The following GPC5 variants were observed in gnomAD, a reference collection of about 807,000 sequenced individuals.
The protein encoded by GPC5 is glypican-5.
A neutral mutation model predicts 53.9 loss-of-function variants in GPC5; 47 were observed. The ratio of observed to expected loss-of-function variants is 0.87; its 90% confidence interval spans 0.69 to 1.11. GPC5 has a LOEUF of 1.11. Among genes scored for constraint, GPC5 ranks in the 50% most tolerant of loss-of-function variants. The pLI, the probability that GPC5 is intolerant of heterozygous loss-of-function variation, is 0.00. For synonymous variants in GPC5, 286 were observed against 263.3 expected (o/e 1.09, Z -0.84); for missense variants, 748 against 713.1 (o/e 1.05, Z -0.56).
intron 7 of GPC5, among the ~76,000 whole-genome samples, chr13:92,742,853 T>G (rs375794785): frequency 1.3e-4 from 20 of 152,094 alleles, no homozygotes; most frequent in South Asian, 6.2e-4. Flanking sequence ...TTTCCCCATT[T>G]CTTGTTTTTG....
At chr13:91,526,947 G>A (rs1886115774) in intron 2 of GPC5, among the ~76,000 whole-genome samples, 1 of 151,980 alleles carries the variant, frequency 6.6e-6, no homozygotes, top group Non-Finnish European at 1.5e-5. Flanking sequence ...AGCATGGGGG[G>A]AACTGCCACC....
At chr13:92,448,049 G>T (rs1019910121) in intron 7 of GPC5, 1 of 152,040 alleles carries the variant, frequency 6.6e-6, no homozygotes, top group South Asian at 2.1e-4. Context: ...ATTAAAAGGT[G>T]GTGATTGAAG....
intron 6 of GPC5, among the ~76,000 whole-genome samples, chr13:92,139,464 G>A (rs1430093656): frequency 3.3e-5 from 5 of 151,936 alleles, no homozygotes; most frequent in South Asian, 4.1e-4. Context: ...TCAGGAGATC[G>A]AGACCATCCT....
chr13:91,405,533 T>C (rs1440073112), intron 1 of GPC5, among the ~76,000 whole-genome samples: 1 of 152,202 alleles, frequency 6.6e-6, no homozygotes, highest in Non-Finnish European at 1.5e-5. Context: ...TTCACGAAAC[T>C]AGGTTACACC....
chr13:91,713,835 A>T (rs1424325799), intron 3 of GPC5, among the ~76,000 whole-genome samples: 3 of 152,140 alleles, frequency 2.0e-5, no homozygotes, highest in Non-Finnish European at 2.9e-5. Flanking sequence ...TTATAACCTA[A>T]ATATGTCTCA....
intron 5 of GPC5, among the ~76,000 whole-genome samples, chr13:91,892,716 T>C (rs1323968190): frequency 6.6e-6 from 1 of 151,978 alleles, no homozygotes; most frequent in Non-Finnish European, 1.5e-5. Flanking sequence ...CTATAAAATA[T>C]AGGAAGCCAG....
chr13:92,535,161 G>T (rs1881684196), intron 7 of GPC5, among the ~76,000 whole-genome samples: 1 of 152,100 alleles, frequency 6.6e-6, no homozygotes, highest in African/African-American at 2.4e-5. Flanking sequence ...GGCTTCATGG[G>T]GTAAGCCATG....
intron 3 of GPC5, among the ~76,000 whole-genome samples, chr13:91,725,942 T>G (rs2036567261): frequency 6.6e-6 from 1 of 152,174 alleles, no homozygotes; most frequent in Admixed American, 6.5e-5. Context: ...CCTTCCTCTT[T>G]GCTTCTTTAT....
At chr13:91,787,318 T>C (rs911608097) in intron 5 of GPC5, among the ~76,000 whole-genome samples, 6 of 152,222 alleles carry the variant, frequency 3.9e-5, no homozygotes, top group Non-Finnish European at 7.4e-5. Flanking sequence ...CTAGTTGCAA[T>C]GCCATATATA....
intron 7 of GPC5, among the ~76,000 whole-genome samples, chr13:92,702,205 A>G (rs1290551863): frequency 6.6e-6 from 1 of 152,052 alleles, no homozygotes; most frequent in Non-Finnish European, 1.5e-5. Flanking sequence ...TTTCATCCAC[A>G]AGTATCTTAT....
intron 7 of GPC5, among the ~76,000 whole-genome samples, chr13:92,228,162 G>A (rs1046572747): frequency 1.3e-5 from 2 of 149,864 alleles, no homozygotes; most frequent in African/African-American, 4.9e-5. Flanking sequence ...AAGATGGAAG[G>A]CGAAGAAGGA....
intron 6 of GPC5, among the ~76,000 whole-genome samples, chr13:91,945,817 A>G (rs1463715152): frequency 4.0e-5 from 6 of 151,432 alleles, no homozygotes; most frequent in African/African-American, 1.2e-4. Context: ...TTTGCCACCA[A>G]CCTCCCTTCA....
chr13:92,720,398 A>G (rs1466587073), intron 7 of GPC5, among the ~76,000 whole-genome samples: 1 of 152,154 alleles, frequency 6.6e-6, no homozygotes, highest in African/African-American at 2.4e-5. Flanking sequence ...AAGTAATTCA[A>G]TAATAGTTCT....
chr13:92,073,028 T>G (rs773508083), intron 6 of GPC5, among the ~76,000 whole-genome samples: 1 of 110,630 alleles, frequency 9.0e-6, no homozygotes, highest in Non-Finnish European at 2.0e-5. Flanking sequence ...TCATCTTACT[T>G]AAACCTACCT....
At chr13:92,501,323 G>A (rs1476978438) in intron 7 of GPC5, among the ~76,000 whole-genome samples, 1 of 149,548 alleles carries the variant, frequency 6.7e-6, no homozygotes, top group Admixed American at 6.6e-5. Context: ...TTACTGGATA[G>A]GCACAATCAC....
chr13:92,161,824 A>G, intron 7 of GPC5, among the ~76,000 whole-genome samples: 1 of 151,214 alleles, frequency 6.6e-6, no homozygotes, highest in Admixed American at 6.6e-5. Flanking sequence ...ATACATTAAT[A>G]CAATAGGTAT....
At chr13:92,522,020 T>C (rs1017069606) in intron 7 of GPC5, among the ~76,000 whole-genome samples, 1 of 152,142 alleles carries the variant, frequency 6.6e-6, no homozygotes, top group Admixed American at 6.5e-5. Context: ...AACAGACACA[T>C]GAAAAAATGT....
intron 5 of GPC5, among the ~76,000 whole-genome samples, chr13:91,834,569 C>T (rs1335952347): frequency 6.6e-6 from 1 of 152,092 alleles, no homozygotes; most frequent in Non-Finnish European, 1.5e-5. Context: ...TGGAACAGAA[C>T]AGAGTCCTCA....
intron 7 of GPC5, among the ~76,000 whole-genome samples, chr13:92,724,996 T>C (rs924331890): frequency 6.6e-6 from 1 of 151,140 alleles, no homozygotes; most frequent in Non-Finnish European, 1.5e-5. Context: ...AAATGAAATA[T>C]TAAAAAGCTT....
Sources: gnomAD v4.1 joint callset for allele counts (sites outside exome capture counted in the v4.1 genomes callset) on GRCh38, gnomAD v4.1.1 for gene constraint, MANE v1.5 for transcripts, NCBI Gene and HGNC (gene_info 2026-07-23, HGNC 2026-07-21) for gene names.